Variants in SENP6 observed in about 807,000 individuals in gnomAD.
SENP6 encodes the protein sentrin-specific protease 6.
SENP6 carries 41 observed loss-of-function variants against 134.5 expected under a neutral mutation model. The ratio of observed to expected loss-of-function variants is 0.30; its 90% CI spans 0.24 to 0.40. SENP6 has a LOEUF of 0.40. SENP6 is among the 10% of genes least tolerant of loss of function. The pLI, the probability that SENP6 is intolerant of heterozygous loss-of-function variation, is 1.00. For synonymous variants in SENP6, 395 were observed against 429.8 expected (o/e 0.92, Z 1.00); for missense variants, 1,248 against 1,312.5 (o/e 0.95, Z 0.76).
chr6:75,670,517 T>C, intron 10 of SENP6, 36 bp from the exon 11 acceptor site: 2 of 1,506,458 alleles, frequency 1.3e-6, no homozygotes, highest in Non-Finnish European at 1.8e-6. Context: ...CTTATTTTAG[T>C]AAATTATTAA....
chr6:75,668,370 C>G (rs908457493), intron 10 of SENP6, among the ~76,000 whole-genome samples: 1 of 151,814 alleles, frequency 6.6e-6, no homozygotes, highest in Admixed American at 6.6e-5. Flanking sequence ...TAGGTAGATG[C>G]AAATGGAAAA....
intron 3 of SENP6, among the ~76,000 whole-genome samples, chr6:75,629,837 T>C (rs2149835296): frequency 6.6e-6 from 1 of 152,330 alleles, no homozygotes; most frequent in South Asian, 2.1e-4. Context: ...ATTTGAGGAC[T>C]GCAACCTGGG....
chr6:75,679,273 T>G (rs1018103), intron 16 of SENP6: 132,418 of 216,640 alleles, frequency 0.61, 40,700 homozygotes, highest in South Asian at 0.67. Context: ...AATTAGCCAG[T>G]CATATACCTA....
At chr6:75,702,577 G>T in intron 18 of SENP6, 68 bp from the exon 19 acceptor site, 1 of 1,326,274 alleles carries the variant, frequency 7.5e-7, no homozygotes, top group Non-Finnish European at 1.0e-6. Context: ...CATTTTAATT[G>T]ATATGTATTG....
intron 10 of SENP6, among the ~76,000 whole-genome samples, chr6:75,668,671 A>G (rs151224925): frequency 6.6e-6 from 1 of 152,358 alleles, no homozygotes; most frequent in East Asian, 1.9e-4. Context: ...GTAATTCTAA[A>G]TGTGTACCAC....
At chr6:75,628,707 A>G (rs900892184) in intron 3 of SENP6, among the ~76,000 whole-genome samples, 1 of 152,148 alleles carries the variant, frequency 6.6e-6, no homozygotes, top group African/African-American at 2.4e-5. Flanking sequence ...TAGTTTTGCT[A>G]TAGTATTATC....
chr6:75,651,498 ATG>A (rs1562007014), intron 7 of SENP6, among the ~76,000 whole-genome samples: 1 of 152,112 alleles, frequency 6.6e-6, no homozygotes, highest in Non-Finnish European at 1.5e-5. Flanking sequence ...CTGCAGGCGC[ATG>A]CTGCCACATC....
intron 17 of SENP6, among the ~76,000 whole-genome samples, chr6:75,696,619 G>A (rs533089627): frequency 6.6e-6 from 1 of 152,186 alleles, no homozygotes; most frequent in Non-Finnish European, 1.5e-5. Context: ...CTGGGACTAA[G>A]GCACACGCCA....
intron 16 of SENP6, among the ~76,000 whole-genome samples, chr6:75,684,727 C>T (rs911108423): frequency 1.3e-5 from 2 of 152,162 alleles, no homozygotes; most frequent in African/African-American, 2.4e-5. Context: ...TTGAACCAGC[C>T]TTGCATCCCA....
chr6:75,670,827 A>G (rs1237919790), intron 11 of SENP6, 107 bp downstream of exon 11: 1 of 475,956 alleles, frequency 2.1e-6, no homozygotes. Flanking sequence ...ATTTAATAGA[A>G]TATCAGTTAG....
At chr6:75,648,607 T>C (rs892608299) in intron 7 of SENP6, among the ~76,000 whole-genome samples, 1 of 152,226 alleles carries the variant, frequency 6.6e-6, no homozygotes, top group Non-Finnish European at 1.5e-5. Flanking sequence ...TTTCATCCTT[T>C]CTTAATAATG....
intron 11 of SENP6, among the ~76,000 whole-genome samples, chr6:75,671,819 A>G (rs1772701299): frequency 6.6e-6 from 1 of 152,178 alleles, no homozygotes; most frequent in African/African-American, 2.4e-5. Flanking sequence ...TTTTCTGGTA[A>G]AGGTTCATGG....
At chr6:75,653,766 A>G (rs1771098315) in intron 7 of SENP6, among the ~76,000 whole-genome samples, 1 of 152,120 alleles carries the variant, frequency 6.6e-6, no homozygotes, top group Non-Finnish European at 1.5e-5. Flanking sequence ...GTGCCCCTAT[A>G]AAATGACAGT....
At chr6:75,644,559 A>C (rs567824584) in intron 6 of SENP6, among the ~76,000 whole-genome samples, 54 of 150,658 alleles carry the variant, frequency 3.6e-4, no homozygotes, top group African/African-American at 1.3e-3. Context: ...ACCTTGGCTC[A>C]CTGCAACCTC....
rs755192315 is a variant in SENP6, at chr6:75,715,529, A to T, written c.3274A>T (p.Thr1092Ser). Residue 1092 changes from threonine (T) to serine (S), a missense_variant, in exon 24 of 24, where the codon ACT (threonine) becomes TCT (serine). Coordinates refer to ENST00000447266, the MANE Select transcript of SENP6 (RefSeq NM_015571.4). ...QSKEKRKHKD[T>S]YSTEAPLGEG... Reference sequence around the variant, plus strand: ...CAAAGAGAAAAGAAAGCATAAGGACACTTACTCAACAGAAGCACCTTTAGG... The same window carrying T: ...CAAAGAGAAAAGAAAGCATAAGGACTCTTACTCAACAGAAGCACCTTTAGG... 1.2e-6 allele frequency: 2 copies of T among 1,613,344 alleles called. No homozygotes were observed. The highest frequency in any genetic ancestry group is 1.7e-5 in the Admixed American group (1 of 59,978).
intron 7 of SENP6, among the ~76,000 whole-genome samples, chr6:75,656,880 G>T (rs1771383191): frequency 6.6e-6 from 1 of 151,976 alleles, no homozygotes; most frequent in South Asian, 2.1e-4. Context: ...TTAAAATTTT[G>T]AATTATATCA....
rs569109655 is a variant in SENP6 at position 75,682,015 on chromosome 6, G to C, written c.2075+3088G>C. On this transcript the variant is annotated intron_variant, in intron 16 of 23. Transcript: ENST00000447266. ...AATCAGTGAACTGTCTACAAGGAAT[G>C]TCAAAGTAATGATATTAAATAGGTT... Among the ~76,000 whole-genome samples the C allele has an allele frequency of 2.0e-5, 3 of 152,210 alleles. No individual in the cohort carries two copies. The South Asian group carries it at 6.2e-4, about 32-fold the overall frequency.
At chr6:75,687,903 C>T (rs975955808) in intron 16 of SENP6, among the ~76,000 whole-genome samples, 3 of 152,188 alleles carry the variant, frequency 2.0e-5, no homozygotes, top group Non-Finnish European at 2.9e-5. Context: ...GCTCAGATGC[C>T]GTGCTGGGAG....
chr6:75,692,791 C>CA (rs796153446), intron 16 of SENP6, among the ~76,000 whole-genome samples: 4,870 of 143,130 alleles, frequency 0.034, 251 homozygotes, highest in African/African-American at 0.11. Context: ...CTTCCCCCGC[C>CA]AAAAAAAAAA....
Sources: allele counts gnomAD v4.1 joint callset (sites outside exome capture counted in the v4.1 genomes callset), GRCh38; gene constraint gnomAD v4.1.1; transcripts MANE v1.5; gene names NCBI Gene and HGNC (gene_info 2026-07-23, HGNC 2026-07-21).